SAMD12: variants seen among roughly 807,000 people sequenced by gnomAD.
SAMD12 encodes sterile alpha motif domain-containing protein 12.
Under a neutral mutation model 15.0 loss-of-function variants are expected in SAMD12, and 9 were observed. The ratio of observed to expected loss-of-function variants is 0.60; its 90% CI spans 0.36 to 1.05. The LOEUF (loss-of-function observed/expected upper bound fraction) is 1.05, where lower values mean the gene tolerates loss of function less well. SAMD12 is among the 50% of genes least tolerant of loss of function. The pLI, the probability that SAMD12 is intolerant of heterozygous loss-of-function variation, is 0.01. For missense variants in SAMD12, 230 were observed against 234.2 expected (o/e 0.98, Z 0.12); for synonymous variants, 86 against 90.1 (o/e 0.96, Z 0.25).
intron 2 of SAMD12, among the ~76,000 whole-genome samples, chr8:118,562,535 A>G (rs1826733544): frequency 1.3e-5 from 2 of 152,196 alleles, no homozygotes; most frequent in African/African-American, 2.4e-5. Context: ...AAACACACAA[A>G]ACAGGAATTG....
intron 1 of SAMD12, among the ~76,000 whole-genome samples, chr8:118,603,232 A>G (rs1292704841): frequency 6.6e-6 from 1 of 152,180 alleles, no homozygotes; most frequent in Non-Finnish European, 1.5e-5. Context: ...AATTCAAAAA[A>G]CAATCCCAGA....
At chr8:118,486,108 A>T (rs1054726602) in intron 2 of SAMD12, among the ~76,000 whole-genome samples, 1 of 152,222 alleles carries the variant, frequency 6.6e-6, no homozygotes, top group African/African-American at 2.4e-5. Context: ...TTACTGGGGA[A>T]GCCCAAACTT....
intron 2 of SAMD12, among the ~76,000 whole-genome samples, chr8:118,496,770 C>G (rs999683455): frequency 6.6e-6 from 1 of 151,796 alleles, no homozygotes; most frequent in African/African-American, 2.4e-5. Context: ...ATCAACAGAG[C>G]AAACAGAAAA....
At chr8:118,442,832 A>C (rs1183787538) in intron 2 of SAMD12, among the ~76,000 whole-genome samples, 1 of 152,208 alleles carries the variant, frequency 6.6e-6, no homozygotes. Flanking sequence ...TAAATTAGGA[A>C]GGGAAAGGCA....
At chr8:118,223,541 ACCCTG>A (rs1812125609) in intron 4 of SAMD12, among the ~76,000 whole-genome samples, 1 of 152,176 alleles carries the variant, frequency 6.6e-6, no homozygotes, top group Non-Finnish European at 1.5e-5. Context: ...AATCACAGTG[ACCCTG>A]CCCTGATGGG....
chr8:118,593,599 T>G (rs1187616963), intron 1 of SAMD12, among the ~76,000 whole-genome samples: 1 of 152,194 alleles, frequency 6.6e-6, no homozygotes, highest in African/African-American at 2.4e-5. Context: ...CAGTGCAGAT[T>G]GTTAAATATT....
At chr8:118,591,935 C>G (rs917263458) in intron 1 of SAMD12, among the ~76,000 whole-genome samples, 1 of 152,072 alleles carries the variant, frequency 6.6e-6, no homozygotes, top group African/African-American at 2.4e-5. Flanking sequence ...ATTCAAAGGA[C>G]TTTTCATCCT....
At chr8:118,556,118 G>T (rs1365007555) in intron 2 of SAMD12, among the ~76,000 whole-genome samples, 1 of 152,170 alleles carries the variant, frequency 6.6e-6, no homozygotes, top group Non-Finnish European at 1.5e-5. Context: ...TTTACATTTG[G>T]AGTCCTCACT....
chr8:118,261,117 T>C (rs1270627647), intron 4 of SAMD12, among the ~76,000 whole-genome samples: 1 of 152,132 alleles, frequency 6.6e-6, no homozygotes, highest in African/African-American at 2.4e-5. Context: ...AAATTTTTCA[T>C]TTGTCAAAAA....
At chr8:118,392,464 A>G (rs1254183008) in intron 3 of SAMD12, among the ~76,000 whole-genome samples, 2 of 152,186 alleles carry the variant, frequency 1.3e-5, no homozygotes, top group Non-Finnish European at 2.9e-5. Context: ...ACAAAAAACA[A>G]AAACCTGTCA....
At chr8:118,509,163 A>G (rs1825005085) in intron 2 of SAMD12, among the ~76,000 whole-genome samples, 1 of 152,176 alleles carries the variant, frequency 6.6e-6, no homozygotes, top group Non-Finnish European at 1.5e-5. Context: ...CAAAAAGATC[A>G]TGTGTCTAGT....
At chr8:118,607,247 TTTC>T (rs1364693409) in intron 1 of SAMD12, among the ~76,000 whole-genome samples, 4 of 152,028 alleles carry the variant, frequency 2.6e-5, no homozygotes, top group Non-Finnish European at 5.9e-5. Flanking sequence ...TCCTTTTTTT[TTTC>T]TTGAGACGGA....
At chr8:118,588,890 A>ACC (rs1478400870) in intron 1 of SAMD12, among the ~76,000 whole-genome samples, 1 of 152,174 alleles carries the variant, frequency 6.6e-6, no homozygotes, top group African/African-American at 2.4e-5. Context: ...CAATGAGGAG[A>ACC]CAGAATATGA....
At chr8:118,458,124 A>T (rs1174735668) in intron 2 of SAMD12, among the ~76,000 whole-genome samples, 1 of 152,242 alleles carries the variant, frequency 6.6e-6, no homozygotes, top group African/African-American at 2.4e-5. Context: ...ACTAAAAGAC[A>T]CACCACAAAT....
chr8:118,211,297 G>C (rs191462369), intron 4 of SAMD12, among the ~76,000 whole-genome samples: 2 of 152,176 alleles, frequency 1.3e-5, no homozygotes, highest in African/African-American at 4.8e-5. Flanking sequence ...TATTAGAAGC[G>C]ATGGAGTCTC....
chr8:118,419,094 T>A (rs1821868454), intron 3 of SAMD12, among the ~76,000 whole-genome samples: 1 of 152,190 alleles, frequency 6.6e-6, no homozygotes, highest in Non-Finnish European at 1.5e-5. Context: ...TCCCCTCTAG[T>A]TTGCATGTTA....
Position 118,452,698 on chromosome 8 carries a change from G to C in SAMD12, c.193-12737C>G, listed in dbSNP as rs182761415. On this transcript the variant is annotated intron_variant, in intron 2 of 3. Coordinates refer to ENST00000314727, the MANE Select transcript of SAMD12 (RefSeq NM_207506.3). ...TTCTAACCCTTTTGTTGATATAAAA[G>C]AAAGTATGCACATGGTTTTAAAAAA... 2.7e-3 allele frequency among the ~76,000 whole-genome samples: 414 copies of C among 152,196 alleles called. 4 individuals carry two copies. The highest frequency in any genetic ancestry group is 0.012 in the Admixed American group (186 of 15,280).
At chr8:118,201,517 G>T (rs1033347491) in intron 4 of SAMD12, among the ~76,000 whole-genome samples, 1 of 152,134 alleles carries the variant, frequency 6.6e-6, no homozygotes, top group African/African-American at 2.4e-5. Flanking sequence ...TAATTTTTTT[G>T]TGGGTGATGC....
At chr8:118,472,470 TGA>T (rs1323851198) in intron 2 of SAMD12, among the ~76,000 whole-genome samples, 1 of 151,974 alleles carries the variant, frequency 6.6e-6, no homozygotes, top group East Asian at 1.9e-4. Flanking sequence ...GAGGACTGCT[TGA>T]GTCCAAAACA....
Sources: allele counts gnomAD v4.1 joint callset (sites outside exome capture counted in the v4.1 genomes callset), GRCh38; gene constraint gnomAD v4.1.1; transcripts MANE v1.5; gene names NCBI Gene and HGNC (gene_info 2026-07-23, HGNC 2026-07-21).